The following ARHGEF33 variants were observed in gnomAD, a reference collection of about 807,000 sequenced individuals.
ARHGEF33 encodes the protein Rho guanine nucleotide exchange factor 33.
Under a neutral mutation model 101.9 loss-of-function variants are expected in ARHGEF33, and 72 were observed. That is an observed-to-expected ratio of 0.71 (90% CI 0.58 to 0.86). ARHGEF33 has a LOEUF of 0.86. Ranked by LOEUF, ARHGEF33 falls within the 40% of genes least tolerant of loss-of-function variation. ARHGEF33 has a pLI of 0.00. For missense variants in ARHGEF33, 1,169 were observed against 1,111.3 expected (o/e 1.05, Z -0.74); for synonymous variants, 499 against 442.5 (o/e 1.13, Z -1.60).
intron 8 of ARHGEF33, among the ~76,000 whole-genome samples, chr2:38,936,268 T>C (rs1245170830): frequency 3.3e-5 from 5 of 152,202 alleles, no homozygotes; most frequent in African/African-American, 9.6e-5. Flanking sequence ...AACAAAATTT[T>C]AAAAAGGATT....
chr2:38,929,719 G>C lies in ARHGEF33; in HGVS notation c.251G>C (p.Ser84Thr), dbSNP rs1025027992. The C allele has an allele frequency of 1.3e-6, 2 of 1,551,670 alleles. No individual in the cohort carries two copies. The highest frequency in any genetic ancestry group is 1.7e-6 in the Non-Finnish European group (2 of 1,146,826). The stretch of plus-strand genomic sequence containing the variant: ...ATTCTTATTTTTTAGGAAGAGCTGA[G>C]CAATGCCATGTCGATGATCCAAGCC... ...NSLNYFKEEL[S>T]NAMSMIQAIT... is the part of the protein sequence containing the mutation. The change falls in exon 6 of 18, where the codon AGC becomes ACC. Residue 84 changes from serine to threonine, a missense_variant. Physicochemically the swap from Ser to Thr is moderately conservative, Grantham distance 58. Transcript: ENST00000409978.
chr2:38,936,539 A>G (rs1169922470), intron 8 of ARHGEF33, among the ~76,000 whole-genome samples: 2 of 152,244 alleles, frequency 1.3e-5, no homozygotes, highest in African/African-American at 2.4e-5. Context: ...CTCCTTATAT[A>G]GTAAAGACTA....
chr2:38,955,876 C>T (rs184897402), intron 13 of ARHGEF33, among the ~76,000 whole-genome samples: 8 of 151,962 alleles, frequency 5.3e-5, no homozygotes, highest in East Asian at 1.9e-4. Flanking sequence ...GGGGTTTCAC[C>T]GTGTTAGCCA....
intron 11 of ARHGEF33, 64 bp from the exon 12 acceptor site, chr2:38,953,098 C>G (rs1007345671): frequency 1.3e-6 from 1 of 772,192 alleles, no homozygotes; most frequent in Non-Finnish European, 2.3e-6. Flanking sequence ...ATATATGACT[C>G]TATAAAAATA....
chr2:38,899,106 A>G (rs574279357), intron 2 of ARHGEF33, among the ~76,000 whole-genome samples: 38 of 152,210 alleles, frequency 2.5e-4, no homozygotes, highest in Non-Finnish European at 4.9e-4. Context: ...GAAAGAAATA[A>G]TTGATTATAA....
In ARHGEF33 at chr2:38,973,911, AATATAT is replaced by A. The variant is rs369179124; in HGVS notation, c.*77_*82del. The A allele has an allele frequency of 9.7e-7, 1 of 1,031,264 alleles. No homozygotes were observed. Among genetic ancestry groups the A allele is most frequent in the Non-Finnish European group, 1.3e-6 (1 of 782,150 alleles). 63.9% of individuals were successfully genotyped at this position (1,031,264 alleles called of 1,614,324 possible). A position where few individuals can be genotyped will look rare whatever the true frequency, so the allele number is the denominator to read the frequency against. On this transcript the variant is annotated 3_prime_UTR_variant, in exon 18 of 18. Transcript: ENST00000409978. ...AAAAGCTTGTATATATCTGTGTAGG[AATATAT>A]ATATATATCTATATCTATATATATA...
chr2:38,890,154 T>C (rs753617576), intron 1 of ARHGEF33, among the ~76,000 whole-genome samples, 168 bp downstream of exon 1: 14 of 152,230 alleles, frequency 9.2e-5, no homozygotes, highest in Non-Finnish European at 2.1e-4. Flanking sequence ...TTAAGAGTTA[T>C]AACAATTTGT....
At chr2:38,898,460 T>A (rs1666168000) in intron 2 of ARHGEF33, among the ~76,000 whole-genome samples, 1 of 152,162 alleles carries the variant, frequency 6.6e-6, no homozygotes, top group African/African-American at 2.4e-5. Context: ...TTCCAGGCAC[T>A]CCAGATGGGC....
chr2:38,935,101 G>T lies in ARHGEF33; in HGVS notation c.506-674G>T, dbSNP rs143618548. ...ATGAGTTGGGGGCAGATATTCCAGG[G>T]CTGTATGATCATTATAAGGGCTTTG... On this transcript the variant is annotated intron_variant, in intron 7 of 17. Coordinates refer to ENST00000409978, the MANE Select transcript of ARHGEF33 (RefSeq NM_001145451.5). Among the ~76,000 whole-genome samples, 30 of 152,054 alleles carry T rather than the reference G, an allele frequency of 2.0e-4. 1 individual carries two copies. Among genetic ancestry groups the T allele is most frequent in the African/African-American group, 6.0e-4 (25 of 41,496 alleles).
intron 15 of ARHGEF33, 158 bp from the exon 16 acceptor site, chr2:38,959,683 C>A (rs1358110503): frequency 2.7e-6 from 2 of 754,494 alleles, no homozygotes; most frequent in African/African-American, 1.8e-5. Context: ...CGCCTGGGAA[C>A]GGGGGTTCGT....
Position 38,935,805 on chromosome 2 carries a change from A to T in ARHGEF33, c.536A>T (p.Asp179Val). Residue 179 changes from aspartate to valine, a missense_variant, in exon 8 of 18, where the codon GAC becomes GTC. By Grantham distance (152) the Asp-to-Val change is radical. Transcript: ENST00000409978. ...AQESRSVHVG[D>V]SNVKGMMGPG... ...GAGTCCAGATCTGTTCATGTAGGAGACAGTAATGTAAAAGGAATGATGGGT... is the reference window on the plus strand; with the variant it reads ...GAGTCCAGATCTGTTCATGTAGGAGTCAGTAATGTAAAAGGAATGATGGGT... The T allele has an allele frequency of 6.4e-7, 1 of 1,552,060 alleles. No homozygotes were observed. Among genetic ancestry groups the T allele is most frequent in the Non-Finnish European group, 8.7e-7 (1 of 1,146,966 alleles).
At chr2:38,911,179 T>C (rs962444139) in intron 2 of ARHGEF33, among the ~76,000 whole-genome samples, 9 of 152,170 alleles carry the variant, frequency 5.9e-5, no homozygotes, top group Non-Finnish European at 1.2e-4. Context: ...TTTCATAATG[T>C]TTATAGCATT....
chr2:38,906,764 C>T (rs1214754621), intron 2 of ARHGEF33, among the ~76,000 whole-genome samples: 5 of 139,768 alleles, frequency 3.6e-5, no homozygotes, highest in Admixed American at 2.3e-4. Flanking sequence ...AGCACAGGAG[C>T]TTGAGACCAG....
chr2:38,960,972 C>G (rs2124424976), intron 16 of ARHGEF33, among the ~76,000 whole-genome samples: 1 of 152,302 alleles, frequency 6.6e-6, no homozygotes, highest in South Asian at 2.1e-4. Context: ...TTAACACACA[C>G]GCATTTAGGG....
chr2:38,928,246 C>G (rs1666916771), intron 4 of ARHGEF33, among the ~76,000 whole-genome samples: 2 of 152,196 alleles, frequency 1.3e-5, no homozygotes, highest in African/African-American at 4.8e-5. Flanking sequence ...CCAGGACTGA[C>G]TGCTGGAGAT....
At chr2:38,925,729 C>T (rs1666855722) in intron 4 of ARHGEF33, among the ~76,000 whole-genome samples, 1 of 152,108 alleles carries the variant, frequency 6.6e-6, no homozygotes, top group East Asian at 1.9e-4. Context: ...ATGTATGTGC[C>T]ACTGCAAAAC....
At chr2:38,946,245 C>T (rs1001688893) in intron 10 of ARHGEF33, among the ~76,000 whole-genome samples, 1 of 152,152 alleles carries the variant, frequency 6.6e-6, no homozygotes, top group African/African-American at 2.4e-5. Context: ...GACTTGCTGC[C>T]ACTTCCTATT....
rs1278083540 is a variant in ARHGEF33 at position 38,966,025 on chromosome 2, C to G, written c.2363C>G (p.Thr788Ser). 6.4e-7 allele frequency: 1 copy of G among 1,551,576 alleles called. No individual in the cohort carries two copies. The highest frequency in any genetic ancestry group is 8.7e-7 in the Non-Finnish European group (1 of 1,146,946). ...EVRREMHLED[T>S]TRFCPKEERE... ...TTCCAGGAGATGCATTTAGAAGATA[C>G]TACCAGATTCTGTCCCAAAGAAGAA... Residue 788 changes from threonine to serine, a missense_variant, in exon 17 of 18, where the codon ACT becomes AGT. By Grantham distance (58) the Thr-to-Ser change is moderately conservative. Transcript: ENST00000409978.
chr2:38,938,072 A>G lies in ARHGEF33; in HGVS notation c.790+513A>G, dbSNP rs568467353. Among the ~76,000 whole-genome samples the G allele has an allele frequency of 8.5e-5, 13 of 152,296 alleles. No homozygotes were observed. In the South Asian group the frequency reaches 2.5e-3, roughly 29 times the overall value. Reference sequence around the variant, plus strand: ...TTATTTTGAATTTTTAAAGTCAAATACATGAAAAAAAGTATTAAAAGGTTT... The same window carrying G: ...TTATTTTGAATTTTTAAAGTCAAATGCATGAAAAAAAGTATTAAAAGGTTT... On this transcript the variant is annotated intron_variant, in intron 9 of 17. Coordinates refer to ENST00000409978, the MANE Select transcript of ARHGEF33 (RefSeq NM_001145451.5).
Sources: gnomAD v4.1 joint callset for allele counts (sites outside exome capture counted in the v4.1 genomes callset) on GRCh38, gnomAD v4.1.1 for gene constraint, MANE v1.5 for transcripts, NCBI Gene and HGNC (gene_info 2026-07-23, HGNC 2026-07-21) for gene names.